The following RAB22A variants were observed in gnomAD, a reference collection of about 807,000 sequenced individuals.
The protein encoded by RAB22A is ras-related protein Rab-22A.
Under a neutral mutation model 30.2 loss-of-function variants are expected in RAB22A, and 13 were observed. The observed-to-expected ratio is 0.43, with a 90% confidence interval of 0.28 to 0.68. The LOEUF (loss-of-function observed/expected upper bound fraction) is 0.68, where lower values mean the gene tolerates loss of function less well. RAB22A is among the 30% of genes least tolerant of loss of function. The pLI is 0.18. For synonymous variants in RAB22A, 89 were observed against 87.2 expected, an observed-to-expected ratio of 1.02 and a Z score of -0.11; for missense variants, 177 against 246.8, an observed-to-expected ratio of 0.72 and a Z score of 1.89.
Position 58,364,091 on chromosome 20 carries a change from A to G in RAB22A, c.*4388A>G, listed in dbSNP as rs145336650. On this transcript the variant is annotated 3_prime_UTR_variant, in exon 7 of 7. Transcript: ENST00000244040. ...GTTTTATGTGCAAATGAAAGTCTAA[A>G]AAATATGAGGAAGATATTACATTTT... is the stretch of plus-strand genomic sequence containing the variant. 6.5e-6 allele frequency: 1 copy of G among 152,788 alleles called. No homozygotes were observed. Among genetic ancestry groups the G allele is most frequent in the African/African-American group, 2.4e-5 (1 of 41,580 alleles). 9.5% of individuals were successfully genotyped at this position (152,788 alleles called of 1,614,324 possible).
At chr20:58,329,901 G>T (rs950013114) in intron 2 of RAB22A, among the ~76,000 whole-genome samples, 1 of 152,076 alleles carries the variant, frequency 6.6e-6, no homozygotes, top group Non-Finnish European at 1.5e-5. Context: ...TTTAGTCATG[G>T]GTTTCACATC....
chr20:58,351,942 G>A (rs1987057244), intron 3 of RAB22A, among the ~76,000 whole-genome samples: 5 of 152,130 alleles, frequency 3.3e-5, no homozygotes. Context: ...GTTATAAGAG[G>A]ACTACTATAA....
In RAB22A at chr20:58,359,619, A is replaced by T. The variant is rs1163982831; in HGVS notation, c.501A>T (p.Pro167=). Residue 167 remains proline, a synonymous_variant, in exon 7 of 7, where the codon CCA becomes CCT. Coordinates refer to ENST00000244040, the MANE Select transcript of RAB22A (RefSeq NM_020673.3). The stretch of plus-strand genomic sequence containing the variant: ...ATCTTGGTTTAGGTCGAAGAATTCC[A>T]TCCACTGACGCCAACCTGCCATCTG... ...ELFIEISRRI[P]STDANLPSGG... 1 of 1,609,290 alleles carries T rather than the reference A, an allele frequency of 6.2e-7. No homozygotes were observed. Among genetic ancestry groups the T allele is most frequent in the South Asian group, 1.1e-5 (1 of 90,898 alleles).
intron 2 of RAB22A, among the ~76,000 whole-genome samples, chr20:58,339,861 C>G (rs942134931): frequency 6.6e-6 from 1 of 152,068 alleles, no homozygotes; most frequent in East Asian, 1.9e-4. Context: ...AAGACCTGAC[C>G]GTAGGAAGGA....
In RAB22A at chr20:58,363,937, A is replaced by G. The variant is rs561294731; in HGVS notation, c.*4234A>G. On this transcript the variant is annotated 3_prime_UTR_variant, in exon 7 of 7. Transcript: ENST00000244040. The stretch of plus-strand genomic sequence containing the variant: ...GGGGGTGGAATTTAGCCTAGAACTT[A>G]AAGAAACAACCTCTGCGAATTTCTC... 192 of 152,764 alleles carry G rather than the reference A, an allele frequency of 1.3e-3. 1 individual carries two copies. Among genetic ancestry groups the G allele is most frequent in the African/African-American group, 4.5e-3 (185 of 41,572 alleles). The allele number at this position is 152,764 out of a possible 1,614,324, so 9.5% of individuals were successfully genotyped here. A position where few individuals can be genotyped will look rare whatever the true frequency, so the allele number is the denominator to read the frequency against.
intron 3 of RAB22A, chr20:58,345,994 C>T (rs190605848): frequency 1.9e-3 from 288 of 152,576 alleles, no homozygotes; most frequent in African/African-American, 6.6e-3. Flanking sequence ...GTAACCACAT[C>T]GCCACACTGC....
chr20:58,339,085 GA>G (rs34630191), intron 2 of RAB22A, among the ~76,000 whole-genome samples: 1 of 152,216 alleles, frequency 6.6e-6, no homozygotes, highest in Non-Finnish European at 1.5e-5. Context: ...TTAAAGAAAA[GA>G]AATGTTTAAA....
intron 2 of RAB22A, among the ~76,000 whole-genome samples, chr20:58,317,965 C>T (rs1478100065): frequency 6.6e-6 from 1 of 152,240 alleles, no homozygotes; most frequent in East Asian, 1.9e-4. Context: ...AAGCGATCTT[C>T]TTGGCTCAGC....
chr20:58,345,274 C>T (rs547793460), intron 3 of RAB22A, among the ~76,000 whole-genome samples: 235 of 152,128 alleles, frequency 1.5e-3, no homozygotes, highest in African/African-American at 5.3e-3. Flanking sequence ...TATGCAGTGG[C>T]GTATAACATC....
intron 6 of RAB22A, among the ~76,000 whole-genome samples, chr20:58,357,767 A>G (rs1320384581): frequency 6.6e-6 from 1 of 152,210 alleles, no homozygotes; most frequent in Non-Finnish European, 1.5e-5. Context: ...ATTGGGAGAT[A>G]CTTTCTCAAT....
intron 3 of RAB22A, among the ~76,000 whole-genome samples, chr20:58,352,532 A>G (rs775434460): frequency 2.0e-5 from 3 of 152,236 alleles, no homozygotes; most frequent in Non-Finnish European, 4.4e-5. Context: ...TTGACTGGGC[A>G]AAGAGCTTCA....
chr20:58,349,887 A>C (rs1987017239), intron 3 of RAB22A, among the ~76,000 whole-genome samples: 1 of 152,236 alleles, frequency 6.6e-6, no homozygotes, highest in African/African-American at 2.4e-5. Context: ...CAGTGAGTAG[A>C]AGCAAACCCT....
intron 2 of RAB22A, among the ~76,000 whole-genome samples, chr20:58,336,425 C>G (rs1384977210): frequency 6.6e-6 from 1 of 152,124 alleles, no homozygotes; most frequent in Non-Finnish European, 1.5e-5. Flanking sequence ...CAATTTTTGC[C>G]TACATCATCT....
chr20:58,315,184 C>T (rs1441632332), intron 2 of RAB22A, among the ~76,000 whole-genome samples: 1 of 152,144 alleles, frequency 6.6e-6, no homozygotes, highest in Non-Finnish European at 1.5e-5. Context: ...GCTTCATAAC[C>T]GTGCTTTCTC....
At position 58,323,966 on chromosome 20, in the gene RAB22A, C is replaced by T. The variant is rs369586626; in HGVS notation, c.116+12844C>T. Among the ~76,000 whole-genome samples, 21 of 152,080 alleles carry T rather than the reference C, an allele frequency of 1.4e-4. No homozygotes were observed. In the East Asian group the frequency reaches 3.1e-3, roughly 22 times the overall value. ...CAGGACATGTTATTTTTATTAAATACATATCACTGGCTTTAATTAGTTATT... is the reference window on the plus strand; with the variant it reads ...CAGGACATGTTATTTTTATTAAATATATATCACTGGCTTTAATTAGTTATT... On this transcript the variant is annotated intron_variant, in intron 2 of 6. Coordinates refer to ENST00000244040, the MANE Select transcript of RAB22A (RefSeq NM_020673.3).
At chr20:58,322,284 C>T (rs1167254935) in intron 2 of RAB22A, among the ~76,000 whole-genome samples, 1 of 152,162 alleles carries the variant, frequency 6.6e-6, no homozygotes, top group Non-Finnish European at 1.5e-5. Flanking sequence ...TTTCAAGTGC[C>T]TTTCTTGTAG....
rs556132691 is a variant in RAB22A at position 58,351,041 on chromosome 20, T to C, written c.199-2232T>C. Among the ~76,000 whole-genome samples the C allele has an allele frequency of 3.3e-5, 5 of 152,236 alleles. No individual in the cohort carries two copies. The South Asian group carries it at 8.3e-4, about 25-fold the overall frequency. ...GGTGCATTTTAAACTAAGTAGACTG[T>C]AGAAAAACGTGCAGTAGTCCAGACA... is the stretch of plus-strand genomic sequence containing the variant. On this transcript the variant is annotated intron_variant, in intron 3 of 6. Coordinates refer to ENST00000244040, the MANE Select transcript of RAB22A (RefSeq NM_020673.3).
intron 3 of RAB22A, among the ~76,000 whole-genome samples, chr20:58,348,284 T>C (rs1325722560): frequency 1.3e-5 from 2 of 152,112 alleles, no homozygotes; most frequent in East Asian, 3.8e-4. Context: ...TCTTTAAAAA[T>C]GTACATTCCT....
At chr20:58,312,484 T>C (rs1455909806) in intron 2 of RAB22A, among the ~76,000 whole-genome samples, 4 of 99,490 alleles carry the variant, frequency 4.0e-5, no homozygotes, top group Non-Finnish European at 8.3e-5. Context: ...TTTTTTTTTT[T>C]TTTTTTTTTT....
Sources: allele counts gnomAD v4.1 joint callset (sites outside exome capture counted in the v4.1 genomes callset), GRCh38; gene constraint gnomAD v4.1.1; transcripts MANE v1.5; gene names NCBI Gene and HGNC (gene_info 2026-07-23, HGNC 2026-07-21).